Variants in MCC observed in about 807,000 individuals in gnomAD.
MCC encodes MCC regulator of Wnt signaling pathway, also known as colorectal mutant cancer protein.
A neutral mutation model predicts 116.2 loss-of-function variants in MCC; 90 were observed. The ratio of observed to expected loss-of-function variants is 0.77; its 90% CI spans 0.65 to 0.92. The LOEUF (loss-of-function observed/expected upper bound fraction) is 0.92, where lower values mean the gene tolerates loss of function less well. MCC is among the 40% of genes least tolerant of loss of function. The pLI is 0.00. For missense variants in MCC, 1,516 were observed against 1,312.2 expected (o/e 1.16, Z -2.40); for synonymous variants, 578 against 510.5 (o/e 1.13, Z -1.78).
intron 3 of MCC, among the ~76,000 whole-genome samples, chr5:113,176,168 T>C (rs1434464262): frequency 6.6e-6 from 1 of 152,200 alleles, no homozygotes; most frequent in Non-Finnish European, 1.5e-5. Flanking sequence ...GATTTCTTGC[T>C]GAGAAATAGC....
intron 10 of MCC, 145 bp from the exon 11 acceptor site, chr5:113,083,153 G>C: frequency 2.9e-6 from 2 of 686,916 alleles, no homozygotes; most frequent in Non-Finnish European, 4.7e-6. Flanking sequence ...TTGTAGGATA[G>C]AATCCTAGTA....
chr5:113,248,235 TAAAAAAAAA>T (rs10574369), intron 3 of MCC, among the ~76,000 whole-genome samples: 1 of 133,546 alleles, frequency 7.5e-6, no homozygotes, highest in Admixed American at 7.4e-5. Flanking sequence ...TGTATCTATT[TAAAAAAAAA>T]AAAAAAAAAA....
chr5:113,132,358 A>ATG (rs1187010570), intron 5 of MCC, among the ~76,000 whole-genome samples: 21 of 136,716 alleles, frequency 1.5e-4, no homozygotes, highest in South Asian at 2.4e-4. Context: ...AAAAGTGCAT[A>ATG]TGTGTGTGTG....
chr5:113,041,973 G>T (rs1449847471), intron 17 of MCC, among the ~76,000 whole-genome samples: 1 of 152,066 alleles, frequency 6.6e-6, no homozygotes, highest in Non-Finnish European at 1.5e-5. Flanking sequence ...CTCCAGCCTG[G>T]GCGACAGAGC....
In MCC at chr5:113,487,818, GCC is replaced by G. The variant is rs555280536; in HGVS notation, c.170+425_170+426del. On this transcript the variant is annotated intron_variant, in intron 1 of 18. Transcript: ENST00000408903. The stretch of plus-strand genomic sequence containing the variant: ...GCTTAGCTCATCTCCTCCCGGTGCG[GCC>G]CTGGGGTGTCCACCAAGCCGCCGGG... Among the ~76,000 whole-genome samples, 480 of 152,334 alleles carry G rather than the reference GCC, an allele frequency of 3.2e-3. 2 individuals carry two copies. Among genetic ancestry groups the G allele is most frequent in the African/African-American group, 0.011 (460 of 41,576 alleles).
At chr5:113,047,757 A>G (rs996781963) in intron 16 of MCC, among the ~76,000 whole-genome samples, 2 of 151,980 alleles carry the variant, frequency 1.3e-5, no homozygotes, top group Non-Finnish European at 2.9e-5. Context: ...AATTCTTTAG[A>G]GTCCACAGTT....
intron 2 of MCC, among the ~76,000 whole-genome samples, chr5:113,352,350 CT>C (rs1286533012): frequency 6.6e-6 from 1 of 152,100 alleles, no homozygotes; most frequent in Non-Finnish European, 1.5e-5. Context: ...TGTTCACCTC[CT>C]TGTGAACCTC....
chr5:113,466,627 A>T (rs1771916998), intron 1 of MCC, among the ~76,000 whole-genome samples: 1 of 152,122 alleles, frequency 6.6e-6, no homozygotes, highest in Non-Finnish European at 1.5e-5. Context: ...TATTGTGAAT[A>T]GTGCTGCTAT....
At chr5:113,456,023 T>G (rs1771535206) in intron 1 of MCC, among the ~76,000 whole-genome samples, 2 of 152,228 alleles carry the variant, frequency 1.3e-5, no homozygotes, top group Non-Finnish European at 2.9e-5. Flanking sequence ...AAAGGTTAAA[T>G]TATGTAATAT....
intron 4 of MCC, 74 bp from the exon 5 acceptor site, chr5:113,143,434 G>T (rs1759308604): frequency 2.0e-6 from 3 of 1,530,146 alleles, no homozygotes; most frequent in Non-Finnish European, 2.7e-6. Context: ...AAGCTTTGTG[G>T]CCTTAAACCA....
intron 15 of MCC, among the ~76,000 whole-genome samples, chr5:113,053,087 T>C (rs560663374): frequency 6.6e-6 from 1 of 152,280 alleles, no homozygotes; most frequent in African/African-American, 2.4e-5. Context: ...TTGTTGTAGG[T>C]ATGGCGGTTT....
At chr5:113,407,938 G>A (rs1349975640) in intron 1 of MCC, among the ~76,000 whole-genome samples, 1 of 152,156 alleles carries the variant, frequency 6.6e-6, no homozygotes, top group African/African-American at 2.4e-5. Flanking sequence ...CCCAGACACT[G>A]AGTTACTGGC....
At chr5:113,115,745 A>G (rs1757357673) in intron 6 of MCC, among the ~76,000 whole-genome samples, 1 of 152,112 alleles carries the variant, frequency 6.6e-6, no homozygotes, top group South Asian at 2.1e-4. Context: ...AGAAGTTCAA[A>G]TCTACGTATA....
chr5:113,243,171 TTTTG>T (rs1764443222), intron 3 of MCC, among the ~76,000 whole-genome samples: 2 of 150,882 alleles, frequency 1.3e-5, no homozygotes, highest in African/African-American at 4.9e-5. Context: ...TTTTTGTTTT[TTTTG>T]TTTTGTTTTG....
intron 3 of MCC, among the ~76,000 whole-genome samples, chr5:113,243,350 T>A (rs917102926): frequency 6.6e-6 from 1 of 152,174 alleles, no homozygotes; most frequent in Non-Finnish European, 1.5e-5. Flanking sequence ...TCGGCAGCTA[T>A]AGGATACTAC....
intron 1 of MCC, among the ~76,000 whole-genome samples, chr5:113,419,950 A>G (rs968935580): frequency 1.3e-5 from 2 of 151,362 alleles, no homozygotes; most frequent in Non-Finnish European, 2.9e-5. Context: ...GCAGCACACC[A>G]ACATGGCACA....
At chr5:113,427,722 G>T (rs1435367578) in intron 1 of MCC, among the ~76,000 whole-genome samples, 4 of 152,044 alleles carry the variant, frequency 2.6e-5, no homozygotes, top group Non-Finnish European at 1.5e-5. Context: ...ACACAAATAT[G>T]TTTTGCATTA....
In MCC at chr5:113,340,742, A is replaced by C; in HGVS notation, c.416-12T>G. ...TGCTGATAAGGCACCTAAGTCCGAG[A>C]GAAGCAGAGAAAATGAAAAGACATT... On this transcript the variant is annotated splice_polypyrimidine_tract_variant and intron_variant, in intron 2 of 18. Transcript: ENST00000408903. 6.2e-7 allele frequency: 1 copy of C among 1,610,050 alleles called. No individual in the cohort carries two copies. The highest frequency in any genetic ancestry group is 8.5e-7 in the Non-Finnish European group (1 of 1,178,090).
At chr5:113,102,849 G>C (rs1406897867) in intron 7 of MCC, among the ~76,000 whole-genome samples, 1 of 151,754 alleles carries the variant, frequency 6.6e-6, no homozygotes, top group African/African-American at 2.4e-5. Context: ...GGGTGCAGTG[G>C]CTCACGCCTG....
Sources: allele counts gnomAD v4.1 joint callset (sites outside exome capture counted in the v4.1 genomes callset), GRCh38; gene constraint gnomAD v4.1.1; transcripts MANE v1.5; gene names NCBI Gene and HGNC (gene_info 2026-07-23, HGNC 2026-07-21).